Variants in ASB15 observed in about 807,000 individuals in gnomAD.
ASB15 encodes ankyrin repeat and SOCS box protein 15.
Under a neutral mutation model 58.0 loss-of-function variants are expected in ASB15, and 54 were observed. That is an observed-to-expected ratio of 0.93 (90% CI 0.75 to 1.17). The LOEUF is 1.17. ASB15 is among the 50% of genes most tolerant of loss of function. The pLI, the probability that ASB15 is intolerant of heterozygous loss-of-function variation, is 0.00. For missense variants in ASB15, 680 were observed against 707.4 expected, an observed-to-expected ratio of 0.96 and a Z score of 0.44; for synonymous variants, 249 against 262.4, an observed-to-expected ratio of 0.95 and a Z score of 0.50.
intron 1 of ASB15, among the ~76,000 whole-genome samples, chr7:123,567,776 C>T (rs1332439599): frequency 1.3e-5 from 2 of 151,948 alleles, no homozygotes; most frequent in Non-Finnish European, 2.9e-5. Flanking sequence ...GCGAAAATAA[C>T]CCAGAATCAG....
At chr7:123,634,749 G>T (rs1409469843) in intron 11 of ASB15, among the ~76,000 whole-genome samples, 1 of 152,136 alleles carries the variant, frequency 6.6e-6, no homozygotes, top group Non-Finnish European at 1.5e-5. Flanking sequence ...AATTTAAAAA[G>T]ATATAATTAG....
intron 1 of ASB15, among the ~76,000 whole-genome samples, chr7:123,572,954 A>G (rs1798955109): frequency 6.6e-6 from 1 of 151,474 alleles, no homozygotes. Flanking sequence ...TTTAAAAATG[A>G]TTTACTTTTC....
intron 1 of ASB15, among the ~76,000 whole-genome samples, chr7:123,590,738 C>T (rs1035296308): frequency 1.3e-5 from 2 of 152,140 alleles, no homozygotes; most frequent in Non-Finnish European, 2.9e-5. Flanking sequence ...AGCGTGATGC[C>T]TCCAACTTTG....
upstream of ASB15, among the ~76,000 whole-genome samples, chr7:123,598,261 T>A (rs987791819): frequency 1.3e-5 from 2 of 152,148 alleles, no homozygotes; most frequent in Non-Finnish European, 2.9e-5. Flanking sequence ...TTCAAAGAAC[T>A]TTCATAATTA....
At chr7:123,585,124 G>A (rs2116332795) in intron 1 of ASB15, 1 of 151,842 alleles carries the variant, frequency 6.6e-6, no homozygotes, top group Admixed American at 6.6e-5. Context: ...GTATGTGTTA[G>A]CATTTCCATG....
chr7:123,616,184 G>A (rs1316597994), intron 4 of ASB15, 37 bp from the exon 5 acceptor site: 2 of 1,456,660 alleles, frequency 1.4e-6, no homozygotes, highest in Non-Finnish European at 1.9e-6. Flanking sequence ...TATATCACTA[G>A]TATCTAGTAT....
chr7:123,583,073 T>G (rs1223797852), intron 1 of ASB15, among the ~76,000 whole-genome samples: 2 of 151,936 alleles, frequency 1.3e-5, no homozygotes, highest in Non-Finnish European at 2.9e-5. Flanking sequence ...AATTATAGAC[T>G]GTTCAGATGA....
chr7:123,599,790 T>G (rs1174895477), upstream of ASB15, among the ~76,000 whole-genome samples: 1 of 152,206 alleles, frequency 6.6e-6, no homozygotes, highest in Non-Finnish European at 1.5e-5. Context: ...GAATGCGTAT[T>G]TGGATGTCAG....
intron 7 of ASB15, among the ~76,000 whole-genome samples, chr7:123,619,057 G>A (rs1475946171): frequency 6.6e-6 from 1 of 151,528 alleles, no homozygotes; most frequent in African/African-American, 2.4e-5. Flanking sequence ...GCAGGCACCT[G>A]TAATCCCAGC....
intron 8 of ASB15, 188 bp downstream of exon 8, chr7:123,625,002 C>T: frequency 1.5e-6 from 1 of 652,482 alleles, no homozygotes; most frequent in Non-Finnish European, 2.5e-6. Flanking sequence ...CAGCTAAGCC[C>T]TATACATTGT....
intron 1 of ASB15, among the ~76,000 whole-genome samples, chr7:123,583,092 A>G (rs181601984): frequency 1.6e-4 from 24 of 152,138 alleles, no homozygotes; most frequent in African/African-American, 5.5e-4. Context: ...GAGAGAACAT[A>G]AAATGATAAC....
chr7:123,578,454 C>T (rs1299118026), intron 1 of ASB15, among the ~76,000 whole-genome samples: 1 of 151,932 alleles, frequency 6.6e-6, no homozygotes, highest in Non-Finnish European at 1.5e-5. Flanking sequence ...CCTCCTTCTA[C>T]TTATTTTTCT....
chr7:123,628,068 A>G (rs1031531885), intron 9 of ASB15, among the ~76,000 whole-genome samples: 1 of 152,142 alleles, frequency 6.6e-6, no homozygotes, highest in Non-Finnish European at 1.5e-5. Context: ...CTTGCCTGTG[A>G]CTCTCATACA....
chr7:123,605,970 C>A (rs1010163117), intron 2 of ASB15, among the ~76,000 whole-genome samples: 1 of 151,852 alleles, frequency 6.6e-6, no homozygotes, highest in African/African-American at 2.4e-5. Flanking sequence ...ATATAACAAA[C>A]GTTAAGATAA....
upstream of ASB15, among the ~76,000 whole-genome samples, chr7:123,599,253 G>C (rs182266856): frequency 3.2e-4 from 48 of 150,792 alleles, no homozygotes; most frequent in East Asian, 8.9e-3. Context: ...CAACAAAAAA[G>C]AATACCAAAA....
chr7:123,580,682 G>T (rs1049530098), intron 1 of ASB15, among the ~76,000 whole-genome samples: 3 of 152,062 alleles, frequency 2.0e-5, no homozygotes, highest in African/African-American at 7.2e-5. Flanking sequence ...CCATGTGGGT[G>T]AGTGGAGATT....
intron 7 of ASB15, among the ~76,000 whole-genome samples, chr7:123,623,515 G>T (rs536458927): frequency 2.0e-4 from 31 of 152,126 alleles, no homozygotes; most frequent in Middle Eastern, 3.4e-3. Context: ...TCACTCACTG[G>T]GAACAGTTGG....
chr7:123,632,257 G>A (rs1324511135), intron 11 of ASB15, among the ~76,000 whole-genome samples: 15 of 151,892 alleles, frequency 9.9e-5, no homozygotes, highest in Non-Finnish European at 1.5e-5. Context: ...CAGAAATCAG[G>A]TAACAACTGA....
At chr7:123,568,465 G>A (rs1798819233) in intron 1 of ASB15, among the ~76,000 whole-genome samples, 1 of 151,284 alleles carries the variant, frequency 6.6e-6, no homozygotes, top group Admixed American at 6.6e-5. Flanking sequence ...AGGTTGCAGT[G>A]AGCAGAGATC....
Sources: gnomAD v4.1 joint callset for allele counts (sites outside exome capture counted in the v4.1 genomes callset) on GRCh38, gnomAD v4.1.1 for gene constraint, MANE v1.5 for transcripts, NCBI Gene and HGNC (gene_info 2026-07-23, HGNC 2026-07-21) for gene names.